The following TSHB variants were observed in gnomAD, a reference collection of about 807,000 sequenced individuals.
TSHB encodes the protein thyroid stimulating hormone subunit beta.
Under a neutral mutation model 9.3 loss-of-function variants are expected in TSHB, and 9 were observed. The observed-to-expected ratio is 0.97, with a 90% CI of 0.58 to 1.69. The LOEUF is 1.69. Among genes scored for constraint, TSHB ranks in the 40% most tolerant of loss-of-function variants. The probability of loss-of-function intolerance (pLI) is 0.00; values close to 1 mark genes in which losing one functional copy is unlikely to be tolerated. For synonymous variants in TSHB, 57 were observed against 57.2 expected (o/e 1.00, Z 0.01); for missense variants, 182 against 168.5 (o/e 1.08, Z -0.44).
At chr1:115,032,298 GA>G (rs1005844138) in intron 1 of TSHB, among the ~76,000 whole-genome samples, 63 of 150,808 alleles carry the variant, frequency 4.2e-4, no homozygotes, top group East Asian at 1.4e-3. Flanking sequence ...TAAGTTGATT[GA>G]AAAAAAAATC....
rs548415245 is a variant in TSHB at position 115,030,070 on chromosome 1, A to G, written c.-2+210A>G. Among the ~76,000 whole-genome samples the G allele has an allele frequency of 1.1e-4, 16 of 152,204 alleles. No homozygotes were observed. The South Asian group carries it at 3.1e-3, about 30-fold the overall frequency. On this transcript the variant is annotated intron_variant, in intron 1 of 2. Transcript: ENST00000256592. ...CTACATAAGGATAAGGAAAAAATTC[A>G]TTGACTTAAAGAAAGAGAAACAACT...
chr1:115,030,433 T>A (rs1396530545), intron 1 of TSHB, among the ~76,000 whole-genome samples: 1 of 151,994 alleles, frequency 6.6e-6, no homozygotes, highest in Non-Finnish European at 1.5e-5. Context: ...ATTCATAGGA[T>A]GGGCAATTAG....
chr1:115,032,455 T>A (rs3754364), intron 1 of TSHB, among the ~76,000 whole-genome samples: 70,433 of 151,766 alleles, frequency 0.46, 16,576 homozygotes, highest in Non-Finnish European at 0.5. Flanking sequence ...GTAAATTATA[T>A]TTTATTTAAT....
chr1:115,034,059 AAT>A lies in TSHB; in HGVS notation c.251_252del (p.Ile84ThrfsTer20), dbSNP rs1557870438. ...GAGACTTCATCTACAGGACTGTAGA[AAT>A]ACCAGGATGCCCACTCCATGTTGCT... ...YRDFIYRTVE[I>X]PGCPLHVAPY... On this transcript the variant is annotated frameshift_variant, in exon 3 of 3. Transcript: ENST00000256592. LOFTEE classifies it high-confidence loss of function. The A allele has an allele frequency of 6.2e-7, 1 of 1,613,824 alleles. No homozygotes were observed. The highest frequency in any genetic ancestry group is 8.5e-7 in the Non-Finnish European group (1 of 1,179,770).
chr1:115,033,660 A>G, intron 2 of TSHB, 136 bp downstream of exon 2: 1 of 872,700 alleles, frequency 1.1e-6, no homozygotes, highest in East Asian at 2.5e-5. Flanking sequence ...TTAGAAGCAG[A>G]GTACACAGGT....
intron 1 of TSHB, among the ~76,000 whole-genome samples, chr1:115,032,733 C>A (rs1016965673): frequency 7.2e-5 from 11 of 151,842 alleles, no homozygotes; most frequent in African/African-American, 2.7e-4. Context: ...ATATCAATAT[C>A]AATATCATAT....
At chr1:115,033,238 T>C in intron 1 of TSHB, 124 bp from the exon 2 acceptor site, 1 of 893,772 alleles carries the variant, frequency 1.1e-6, no homozygotes, top group Non-Finnish European at 1.7e-6. Flanking sequence ...CTTGACCAAA[T>C]GGTAGAATTA....
chr1:115,033,573 A>G, intron 2 of TSHB, 49 bp downstream of exon 2: 1 of 1,500,378 alleles, frequency 6.7e-7, no homozygotes, highest in Non-Finnish European at 9.3e-7. Context: ...ATAAGCCCTG[A>G]AGAAGTCCAT....
intron 1 of TSHB, among the ~76,000 whole-genome samples, chr1:115,031,816 A>T (rs1263339813): frequency 6.6e-6 from 1 of 151,998 alleles, no homozygotes; most frequent in Admixed American, 6.6e-5. Flanking sequence ...TTGCTCCTTA[A>T]CTCAAATACC....
Position 115,033,409 on chromosome 1 carries a change from G to A in TSHB, c.47G>A (p.Gly16Glu), listed in dbSNP as rs868162505. 1.9e-6 allele frequency: 3 copies of A among 1,613,374 alleles called. No homozygotes were observed. The highest frequency in any genetic ancestry group is 1.1e-5 in the South Asian group (1 of 91,052). ...LMSMLFGLTCGQAMSFCIPTE... is the reference protein window; with the variant it reads ...LMSMLFGLTCEQAMSFCIPTE... ...TCCATGCTTTTTGGCCTTACATGTG[G>A]GCAAGCGATGTCTTTTTGTATTCCA... The change falls in exon 2 of 3, where the codon GGG becomes GAG. Residue 16 changes from glycine to glutamate, a missense_variant. Gly to Glu is a moderately conservative substitution (Grantham distance 98, BLOSUM62 -2). Coordinates refer to ENST00000256592, the MANE Select transcript of TSHB (RefSeq NM_000549.5).
At chr1:115,031,145 T>G (rs891451526) in intron 1 of TSHB, among the ~76,000 whole-genome samples, 1 of 152,022 alleles carries the variant, frequency 6.6e-6, no homozygotes, top group African/African-American at 2.4e-5. Flanking sequence ...ATTCTGTGGG[T>G]GAAGTTTTAC....
In TSHB at chr1:115,034,166, C is replaced by A; in HGVS notation, c.356C>A (p.Ala119Asp). Residue 119 changes from alanine to aspartate, a missense_variant, in exon 3 of 3, where the codon GCC (alanine) becomes GAC (aspartate). Coordinates refer to ENST00000256592, the MANE Select transcript of TSHB (RefSeq NM_000549.5). ...GACTATAGTGACTGCATACATGAAG[C>A]CATCAAGACAAACTACTGTACCAAA... ...NTDYSDCIHE[A>D]IKTNYCTKPQ... 6.2e-7 allele frequency: 1 copy of A among 1,613,764 alleles called. No homozygotes were observed.
Position 115,034,079 on chromosome 1 carries a change from A to T in TSHB, c.269A>T (p.His90Leu). 1 of 1,613,796 alleles carries T rather than the reference A, an allele frequency of 6.2e-7. No individual in the cohort carries two copies. ...RTVEIPGCPLHVAPYFSYPVA... is the reference protein window; with the variant it reads ...RTVEIPGCPLLVAPYFSYPVA... ...GTAGAAATACCAGGATGCCCACTCC[A>T]TGTTGCTCCCTATTTTTCCTATCCT... The change falls in exon 3 of 3, where the codon CAT (histidine) becomes CTT (leucine). Residue 90 changes from histidine to leucine, a missense_variant. His to Leu is a moderately conservative substitution (Grantham distance 99). Transcript: ENST00000256592.
chr1:115,034,180 T>C lies in TSHB; in HGVS notation c.370T>C (p.Tyr124His). The C allele has an allele frequency of 6.2e-7, 1 of 1,613,858 alleles. No individual in the cohort carries two copies. The highest frequency in any genetic ancestry group is 8.5e-7 in the Non-Finnish European group (1 of 1,179,770). The change falls in exon 3 of 3, where the codon TAC becomes CAC. Residue 124 changes from tyrosine (Y) to histidine (H), a missense_variant. Tyr to His is a moderately conservative substitution (Grantham distance 83). Coordinates refer to ENST00000256592, the MANE Select transcript of TSHB (RefSeq NM_000549.5). ...CATACATGAAGCCATCAAGACAAAC[T>C]ACTGTACCAAACCTCAGAAGTCTTA... The part of the protein sequence containing the change: ...DCIHEAIKTN[Y>H]CTKPQKSYLV...
intron 1 of TSHB, among the ~76,000 whole-genome samples, chr1:115,031,721 G>A (rs1177927250): frequency 2.6e-5 from 4 of 151,968 alleles, no homozygotes; most frequent in African/African-American, 9.7e-5. Flanking sequence ...TAAAATACTG[G>A]AAGCAACTCT....
chr1:115,030,548 G>C (rs1403370915), intron 1 of TSHB, among the ~76,000 whole-genome samples: 1 of 151,752 alleles, frequency 6.6e-6, no homozygotes, highest in Non-Finnish European at 1.5e-5. Flanking sequence ...GCAAAAATAA[G>C]AGAAAAAAAG....
chr1:115,033,975 T>C lies in TSHB; in HGVS notation c.165T>C (p.Asp55=), dbSNP rs1449666375. The C allele has an allele frequency of 1.9e-6, 3 of 1,613,332 alleles. No homozygotes were observed. Among genetic ancestry groups the C allele is most frequent in the Non-Finnish European group, 2.5e-6 (3 of 1,179,684 alleles). The stretch of plus-strand genomic sequence containing the variant: ...TCTCTTTTCTGTTCTTTCCCCAGGA[T>C]ATCAATGGCAAACTGTTTCTTCCCA... ...TICAGYCMTR[D]INGKLFLPKY... The change falls in exon 3 of 3, where the codon GAT becomes GAC. Residue 55 remains aspartate, a splice_region_variant and synonymous_variant. Coordinates refer to ENST00000256592, the MANE Select transcript of TSHB (RefSeq NM_000549.5).
chr1:115,032,488 T>C (rs1237934184), intron 1 of TSHB, among the ~76,000 whole-genome samples: 2 of 152,006 alleles, frequency 1.3e-5, no homozygotes, highest in Non-Finnish European at 2.9e-5. Flanking sequence ...CAAGTTTATG[T>C]TCATAGACCA....
rs1300013525 is a variant in TSHB at position 115,034,240 on chromosome 1, T to A, written c.*13T>A. Reference sequence around the variant, plus strand: ...ATTTTCTGTCTAATAGTGATATAATTTGCAATTTGGTTAAATGTGCTTGCC... The same window carrying A: ...ATTTTCTGTCTAATAGTGATATAATATGCAATTTGGTTAAATGTGCTTGCC... On this transcript the variant is annotated 3_prime_UTR_variant, in exon 3 of 3. Coordinates refer to ENST00000256592, the MANE Select transcript of TSHB (RefSeq NM_000549.5). 1 of 1,613,462 alleles carries A rather than the reference T, an allele frequency of 6.2e-7. No homozygotes were observed. Among genetic ancestry groups the A allele is most frequent in the Admixed American group, 1.7e-5 (1 of 59,934 alleles).
Sources: allele counts gnomAD v4.1 joint callset (sites outside exome capture counted in the v4.1 genomes callset), GRCh38; gene constraint gnomAD v4.1.1; transcripts MANE v1.5; gene names NCBI Gene and HGNC (gene_info 2026-07-23, HGNC 2026-07-21).